The following ARHGAP15 variants were observed in gnomAD, a reference collection of about 807,000 sequenced individuals.
The protein encoded by ARHGAP15 is Rho GTPase activating protein 15, also known as rho GTPase-activating protein 15.
In ARHGAP15, 51 loss-of-function variants were observed where a neutral mutation model predicts 63.7. That is an observed-to-expected ratio of 0.80 (90% CI 0.64 to 1.01). The LOEUF (loss-of-function observed/expected upper bound fraction) is 1.01, where lower values mean the gene tolerates loss of function less well. ARHGAP15 is among the 50% of genes least tolerant of loss of function. The pLI, the probability that ARHGAP15 is intolerant of heterozygous loss-of-function variation, is 0.00. For missense variants in ARHGAP15, 560 were observed against 564.6 expected (o/e 0.99, Z 0.08); for synonymous variants, 191 against 193.8 (o/e 0.99, Z 0.12).
chr2:143,445,241 ACC>A (rs1690083883), intron 8 of ARHGAP15, among the ~76,000 whole-genome samples: 1 of 137,646 alleles, frequency 7.3e-6, no homozygotes, highest in South Asian at 2.3e-4. Context: ...GCTCACTACA[ACC>A]TCCGCCTCCC....
At chr2:143,691,467 T>C (rs1683597075) in intron 12 of ARHGAP15, among the ~76,000 whole-genome samples, 1 of 152,202 alleles carries the variant, frequency 6.6e-6, no homozygotes, top group Non-Finnish European at 1.5e-5. Flanking sequence ...GGAACCATGC[T>C]ACAATGTGCT....
chr2:143,700,006 T>C (rs756022096), intron 12 of ARHGAP15, among the ~76,000 whole-genome samples: 2 of 152,160 alleles, frequency 1.3e-5, no homozygotes, highest in Non-Finnish European at 2.9e-5. Flanking sequence ...CAACTTTCAT[T>C]AGTTCACTCA....
chr2:143,320,564 C>T (rs977490885), intron 6 of ARHGAP15, among the ~76,000 whole-genome samples: 2 of 151,898 alleles, frequency 1.3e-5, no homozygotes, highest in Admixed American at 6.6e-5. Flanking sequence ...CTAAGCAAAG[C>T]GGGACGCTAC....
At chr2:143,647,666 A>G (rs1574767602) in intron 12 of ARHGAP15, among the ~76,000 whole-genome samples, 1 of 152,034 alleles carries the variant, frequency 6.6e-6, no homozygotes, top group East Asian at 1.9e-4. Context: ...GAAAAAATTA[A>G]TCTTTAATTC....
In ARHGAP15 at chr2:143,320,412, C is replaced by CCCA. The variant is rs1553463638; in HGVS notation, c.474+69814_474+69815insACC. On this transcript the variant is annotated intron_variant, in intron 6 of 13. Coordinates refer to ENST00000295095, the MANE Select transcript of ARHGAP15 (RefSeq NM_018460.4). ...GCCACAAATCAGGACTTCCCCACCC[C>CCCA]CCCCCCCCCCAGAGATCCTATGATA... is the stretch of plus-strand genomic sequence containing the variant. Among the ~76,000 whole-genome samples the CCCA allele has an allele frequency of 6.5e-4, 33 of 50,992 alleles. 2 individuals are homozygous for CCCA. The highest frequency in any genetic ancestry group is 1.8e-3 in the Admixed American group (7 of 3,848). The allele number at this position is 50,992 out of a possible 152,430, so 33.5% of individuals were successfully genotyped here.
intron 13 of ARHGAP15, among the ~76,000 whole-genome samples, chr2:143,730,205 C>T (rs189990147): frequency 2.1e-4 from 32 of 152,322 alleles, no homozygotes; most frequent in Admixed American, 1.3e-3. Context: ...GCTGCCACAA[C>T]GCAGCCAAAG....
intron 6 of ARHGAP15, among the ~76,000 whole-genome samples, chr2:143,337,479 G>C (rs1176655313): frequency 6.6e-6 from 1 of 152,106 alleles, no homozygotes; most frequent in African/African-American, 2.4e-5. Context: ...CAGGGATTTT[G>C]CCTACCTAGG....
intron 9 of ARHGAP15, among the ~76,000 whole-genome samples, chr2:143,501,507 C>G (rs754030448): frequency 6.6e-5 from 10 of 152,136 alleles, no homozygotes; most frequent in Non-Finnish European, 1.2e-4. Flanking sequence ...AAGAAGATAT[C>G]ATAAACATTT....
At chr2:143,329,484 T>G (rs1303812670) in intron 6 of ARHGAP15, among the ~76,000 whole-genome samples, 2 of 149,922 alleles carry the variant, frequency 1.3e-5, no homozygotes, top group South Asian at 4.2e-4. Context: ...AAGAAGCATA[T>G]GAGCTTGAAA....
intron 8 of ARHGAP15, among the ~76,000 whole-genome samples, chr2:143,469,692 T>A (rs1691422321): frequency 6.6e-6 from 1 of 152,224 alleles, no homozygotes; most frequent in Non-Finnish European, 1.5e-5. Flanking sequence ...AGAGACTTAG[T>A]ACAATGAAAA....
At chr2:143,430,356 A>G (rs1256663934) in intron 6 of ARHGAP15, among the ~76,000 whole-genome samples, 1 of 152,068 alleles carries the variant, frequency 6.6e-6, no homozygotes, top group Non-Finnish European at 1.5e-5. Flanking sequence ...TTTGCTCAAC[A>G]TGTTAAGAGA....
intron 11 of ARHGAP15, among the ~76,000 whole-genome samples, chr2:143,596,061 G>A (rs1171751784): frequency 2.6e-5 from 4 of 152,066 alleles, no homozygotes; most frequent in Admixed American, 2.6e-4. Flanking sequence ...ACCCTTGCTT[G>A]GTGCTAAATG....
chr2:143,542,843 TATG>T (rs1187946654), intron 10 of ARHGAP15, among the ~76,000 whole-genome samples: 1 of 140,278 alleles, frequency 7.1e-6, no homozygotes, highest in Non-Finnish European at 1.5e-5. Flanking sequence ...ATATAGTATA[TATG>T]ATATATATAA....
At chr2:143,521,933 T>TATCC (rs1314038337) in intron 10 of ARHGAP15, 6 of 152,194 alleles carry the variant, frequency 3.9e-5, no homozygotes, top group Admixed American at 2.0e-4. Flanking sequence ...TTCATTCATT[T>TATCC]ATCCATCCAG....
At position 143,598,773 on chromosome 2, in the gene ARHGAP15, A is replaced by T. The variant is rs76215478; in HGVS notation, c.1004-25360A>T. Among the ~76,000 whole-genome samples, 17 of 152,214 alleles carry T rather than the reference A, an allele frequency of 1.1e-4. No homozygotes were observed. In the East Asian group the frequency reaches 3.1e-3, roughly 28 times the overall value. ...ACATGAAAAATAAAGAATTTTAATT[A>T]TCCAGGCATGGTGTACGCCTTCAGT... On this transcript the variant is annotated intron_variant, in intron 11 of 13. Transcript: ENST00000295095.
intron 2 of ARHGAP15, among the ~76,000 whole-genome samples, chr2:143,169,056 C>T (rs1163974915): frequency 1.3e-5 from 2 of 152,020 alleles, no homozygotes; most frequent in Non-Finnish European, 2.9e-5. Context: ...TAGAATTTCT[C>T]GACTTGCAAC....
At position 143,186,955 on chromosome 2, in the gene ARHGAP15, G is replaced by A. The variant is rs1691473129; in HGVS notation, c.166-15179G>A. ...TTGAATATGAAATGGTGTTAAGTAGGTGACCAGTGAAATGACTTTCTCTTT... is the reference window on the plus strand; with the variant it reads ...TTGAATATGAAATGGTGTTAAGTAGATGACCAGTGAAATGACTTTCTCTTT... On this transcript the variant is annotated intron_variant, in intron 2 of 13. Coordinates refer to ENST00000295095, the MANE Select transcript of ARHGAP15 (RefSeq NM_018460.4). Among the ~76,000 whole-genome samples the A allele has an allele frequency of 3.9e-5, 6 of 152,110 alleles. No homozygotes were observed. The South Asian group carries it at 1.2e-3, about 32-fold the overall frequency.
chr2:143,688,256 C>T (rs143054687), intron 12 of ARHGAP15, among the ~76,000 whole-genome samples: 14 of 152,164 alleles, frequency 9.2e-5, no homozygotes, highest in African/African-American at 2.2e-4. Context: ...AGTATTCCTA[C>T]GAAGAGAAGT....
intron 6 of ARHGAP15, among the ~76,000 whole-genome samples, chr2:143,321,229 A>G (rs1684004444): frequency 6.6e-6 from 1 of 152,224 alleles, no homozygotes; most frequent in Admixed American, 6.5e-5. Flanking sequence ...TATACAAAAC[A>G]TATAAACACA....
Sources: gnomAD v4.1 joint callset for allele counts (sites outside exome capture counted in the v4.1 genomes callset) on GRCh38, gnomAD v4.1.1 for gene constraint, MANE v1.5 for transcripts, NCBI Gene and HGNC (gene_info 2026-07-23, HGNC 2026-07-21) for gene names.